The following RAD51B variants were observed in gnomAD, a reference collection of about 807,000 sequenced individuals.
RAD51B encodes RAD51 paralog B.
Under a neutral mutation model 42.2 loss-of-function variants are expected in RAD51B, and 38 were observed. The observed-to-expected ratio is 0.90, with a 90% CI of 0.70 to 1.18. The LOEUF (loss-of-function observed/expected upper bound fraction) is 1.18, where lower values mean the gene tolerates loss of function less well. Among genes scored for constraint, RAD51B ranks in the 50% most tolerant of loss-of-function variants. The pLI is 0.00. For synonymous variants in RAD51B, 154 were observed against 145.2 expected (o/e 1.06, Z -0.43); for missense variants, 373 against 400.7 (o/e 0.93, Z 0.59).
At chr14:68,135,327 T>C (rs1460484357) in intron 7 of RAD51B, among the ~76,000 whole-genome samples, 1 of 152,240 alleles carries the variant, frequency 6.6e-6, no homozygotes, top group African/African-American at 2.4e-5. Context: ...ATATTACTAA[T>C]ATTTTTCTTT....
intron 7 of RAD51B, among the ~76,000 whole-genome samples, chr14:68,288,583 C>T (rs569615012): frequency 2.6e-5 from 4 of 152,228 alleles, no homozygotes; most frequent in East Asian, 1.9e-4. Context: ...ACAATAAAAC[C>T]GTCATCTCAG....
intron 10 of RAD51B, among the ~76,000 whole-genome samples, chr14:68,648,126 CACACACGTAT>C (rs1892618037): frequency 5.2e-5 from 5 of 95,600 alleles, no homozygotes; most frequent in African/African-American, 2.1e-4. Flanking sequence ...TATATATATA[CACACACGTAT>C]ATATATATAT....
intron 7 of RAD51B, among the ~76,000 whole-genome samples, chr14:68,209,307 A>G (rs1379743078): frequency 6.6e-6 from 1 of 152,184 alleles, no homozygotes; most frequent in Non-Finnish European, 1.5e-5. Flanking sequence ...CATGCTAAGT[A>G]TCCTGAGGCT....
chr14:68,010,368 A>T (rs2075663632), intron 7 of RAD51B, among the ~76,000 whole-genome samples: 1 of 152,030 alleles, frequency 6.6e-6, no homozygotes, highest in Non-Finnish European at 1.5e-5. Flanking sequence ...TACGTGATTT[A>T]GTCCACAGAT....
intron 7 of RAD51B, among the ~76,000 whole-genome samples, chr14:68,164,877 T>C (rs1386402839): frequency 1.3e-5 from 2 of 152,194 alleles, no homozygotes; most frequent in Non-Finnish European, 2.9e-5. Context: ...CAGTAAACAG[T>C]GGCCAAAGGT....
chr14:68,562,022 A>T, intron 10 of RAD51B: 1 of 985,390 alleles, frequency 1.0e-6, no homozygotes, highest in Non-Finnish European at 1.2e-6. Flanking sequence ...GCCTCACAGC[A>T]CGTCTCTGAA....
chr14:68,388,164 G>A (rs1476373953), intron 8 of RAD51B, among the ~76,000 whole-genome samples: 2 of 150,172 alleles, frequency 1.3e-5, no homozygotes, highest in Non-Finnish European at 2.9e-5. Flanking sequence ...CACAGTCTCA[G>A]CTCACTGCAA....
At chr14:68,541,117 G>C (rs186889559) in intron 10 of RAD51B, 1 of 985,320 alleles carries the variant, frequency 1.0e-6, no homozygotes, top group South Asian at 4.7e-5. Context: ...GTTTCCAGAT[G>C]TGTAGGTTTA....
At chr14:68,327,382 GT>G (rs35609139) in intron 8 of RAD51B, among the ~76,000 whole-genome samples, 92,316 of 142,308 alleles carry the variant, frequency 0.65, 30,010 homozygotes, top group Non-Finnish European at 0.72. Context: ...TTTTTTTGTT[GT>G]TTTTTTTTTT....
intron 2 of RAD51B, 32 bp from the exon 3 acceptor site, chr14:67,825,432 A>G: frequency 6.8e-7 from 1 of 1,466,502 alleles, no homozygotes; most frequent in East Asian, 2.3e-5. Context: ...TTACACATAT[A>G]TGTTTAAAAT....
chr14:68,425,112 C>G (rs1482453966), intron 9 of RAD51B, among the ~76,000 whole-genome samples: 1 of 152,142 alleles, frequency 6.6e-6, no homozygotes, highest in Non-Finnish European at 1.5e-5. Flanking sequence ...ACAGTAGTCT[C>G]TAGGACCCCT....
chr14:68,555,200 T>G (rs1252673323), intron 10 of RAD51B, among the ~76,000 whole-genome samples: 4 of 152,238 alleles, frequency 2.6e-5, no homozygotes, highest in Admixed American at 2.6e-4. Context: ...TAATAGGACA[T>G]CCGTATGTGC....
Position 67,843,298 on chromosome 14 carries a change from C to T in RAD51B, c.315+8102C>T, listed in dbSNP as rs537498199. Reference sequence around the variant, plus strand: ...TATCTCCTAATGCTGTCCCTCCCCCCCTCCCCCACAATGCTGTCTTTTACA... The same window carrying T: ...TATCTCCTAATGCTGTCCCTCCCCCTCTCCCCCACAATGCTGTCTTTTACA... On this transcript the variant is annotated intron_variant, in intron 4 of 10. Coordinates refer to ENST00000471583, the MANE Select transcript of RAD51B (RefSeq NM_133510.4). The T allele has an allele frequency of 2.7e-5, 4 of 149,088 alleles. 1 individual carries two copies. The highest frequency in any genetic ancestry group is 7.5e-5 in the African/African-American group (3 of 40,186). The allele number at this position is 149,088 out of a possible 1,614,324, so 9.2% of individuals were successfully genotyped here.
In RAD51B at chr14:68,117,195, T is replaced by C. The variant is rs2077564892; in HGVS notation, c.757-174689T>C. Among the ~76,000 whole-genome samples, 3 of 152,276 alleles carry C rather than the reference T, an allele frequency of 2.0e-5. No homozygotes were observed. The South Asian group carries it at 6.2e-4, about 32-fold the overall frequency. Reference sequence around the variant, plus strand: ...GACTTGATCATGGTGCCTATTTGGGTAATTGTTTATATATATTCATATAGT... The same window carrying C: ...GACTTGATCATGGTGCCTATTTGGGCAATTGTTTATATATATTCATATAGT... On this transcript the variant is annotated intron_variant, in intron 7 of 10. Transcript: ENST00000471583.
intron 7 of RAD51B, among the ~76,000 whole-genome samples, chr14:68,064,317 C>G (rs1328429194): frequency 6.6e-6 from 1 of 152,152 alleles, no homozygotes; most frequent in East Asian, 1.9e-4. Context: ...GGAGTCTCTT[C>G]TTAGTCTAAT....
chr14:68,210,294 G>A (rs1053692897), intron 7 of RAD51B, among the ~76,000 whole-genome samples: 1 of 152,118 alleles, frequency 6.6e-6, no homozygotes, highest in African/African-American at 2.4e-5. Flanking sequence ...AGTTAGGAAC[G>A]TTGAGACCAG....
At chr14:68,317,785 C>T (rs4902565) in intron 8 of RAD51B, among the ~76,000 whole-genome samples, 2 of 152,134 alleles carry the variant, frequency 1.3e-5, no homozygotes, top group Admixed American at 6.6e-5. Context: ...GGCTTTTGCC[C>T]GGCATGGGTA....
At chr14:68,092,809 C>T (rs1281185125) in intron 7 of RAD51B, among the ~76,000 whole-genome samples, 2 of 152,250 alleles carry the variant, frequency 1.3e-5, no homozygotes, top group Non-Finnish European at 2.9e-5. Context: ...CAGTTTTTGT[C>T]CGTTCAGTAT....
At chr14:68,641,660 G>A (rs546435464) in intron 10 of RAD51B, among the ~76,000 whole-genome samples, 1 of 151,640 alleles carries the variant, frequency 6.6e-6, no homozygotes, top group East Asian at 1.9e-4. Context: ...ATGAATGGGT[G>A]TTGGATTTTG....
Sources: allele counts gnomAD v4.1 joint callset (sites outside exome capture counted in the v4.1 genomes callset), GRCh38; gene constraint gnomAD v4.1.1; transcripts MANE v1.5; gene names NCBI Gene and HGNC (gene_info 2026-07-23, HGNC 2026-07-21).